The following CDH13 variants were observed in gnomAD, a reference collection of about 807,000 sequenced individuals.
CDH13 encodes the protein cadherin-13.
A neutral mutation model predicts 63.8 loss-of-function variants in CDH13; 24 were observed. That is an observed-to-expected ratio of 0.38 (90% confidence interval 0.27 to 0.53). The LOEUF (loss-of-function observed/expected upper bound fraction) is 0.53, where lower values mean the gene tolerates loss of function less well. Among genes scored for constraint, CDH13 ranks in the 20% least tolerant of loss-of-function variants. The probability of loss-of-function intolerance (pLI) is 0.85; values close to 1 mark genes in which losing one functional copy is unlikely to be tolerated. For synonymous variants in CDH13, 503 were observed against 355.3 expected (o/e 1.42, Z -4.67); for missense variants, 1,049 against 903.1 (o/e 1.16, Z -2.07).
At chr16:82,810,912 C>G (rs1198096822) in intron 1 of CDH13, among the ~76,000 whole-genome samples, 2 of 152,050 alleles carry the variant, frequency 1.3e-5, no homozygotes, top group East Asian at 3.9e-4. Context: ...ACATGGAGGT[C>G]TTTGCAATTA....
At chr16:82,991,890 T>G (rs777185432) in intron 2 of CDH13, among the ~76,000 whole-genome samples, 23 of 152,054 alleles carry the variant, frequency 1.5e-4, no homozygotes, top group Non-Finnish European at 2.8e-4. Flanking sequence ...TTATCTAGGA[T>G]GAGAGTGATA....
At chr16:83,496,637 C>A (rs943283588) in intron 7 of CDH13, among the ~76,000 whole-genome samples, 1 of 152,060 alleles carries the variant, frequency 6.6e-6, no homozygotes, top group Admixed American at 6.5e-5. Context: ...AAAGCAATGG[C>A]AACAAAAGAC....
intron 2 of CDH13, among the ~76,000 whole-genome samples, chr16:82,946,610 G>T (rs1437783854): frequency 6.6e-6 from 1 of 151,996 alleles, no homozygotes; most frequent in Non-Finnish European, 1.5e-5. Flanking sequence ...AATCCCAGCT[G>T]CTTAGGAGGC....
chr16:83,241,094 A>G (rs1904401009), intron 5 of CDH13, among the ~76,000 whole-genome samples: 1 of 152,160 alleles, frequency 6.6e-6, no homozygotes, highest in Admixed American at 6.6e-5. Context: ...TTGTCCTTCT[A>G]TGACTGGCTT....
chr16:83,569,331 T>C (rs1311072900), intron 7 of CDH13, among the ~76,000 whole-genome samples: 1 of 152,152 alleles, frequency 6.6e-6, no homozygotes, highest in Non-Finnish European at 1.5e-5. Flanking sequence ...TACATGTGGC[T>C]ACCAGTTGAT....
intron 4 of CDH13, among the ~76,000 whole-genome samples, chr16:83,162,770 G>C (rs577620519): frequency 6.6e-6 from 1 of 152,236 alleles, no homozygotes; most frequent in South Asian, 2.1e-4. Context: ...TCCAAAATCT[G>C]TATTTGTGGC....
intron 11 of CDH13, among the ~76,000 whole-genome samples, chr16:83,770,696 C>T (rs1486365303): frequency 6.6e-6 from 1 of 152,152 alleles, no homozygotes; most frequent in East Asian, 1.9e-4. Context: ...GAGTAACCTC[C>T]TGATGTTGCC....
chr16:83,699,524 T>A (rs1164848823), intron 10 of CDH13, among the ~76,000 whole-genome samples: 5 of 152,224 alleles, frequency 3.3e-5, no homozygotes, highest in Non-Finnish European at 7.3e-5. Flanking sequence ...AGCTTCCACT[T>A]CTGCAAGCTA....
rs773157567 is a variant in CDH13, at chr16:83,032,074, G to A, written c.222G>A (p.Lys74=). ...LRYEVSSPYF[K]VNSDGGLVAL... is the part of the protein sequence containing the mutation. ...ATGAGGTCTCGAGCCCATACTTCAA[G>A]GTGAACAGCGATGGCGGCTTAGTTG... is the stretch of plus-strand genomic sequence containing the variant. The change falls in exon 3 of 14, where the codon AAG becomes AAA. Residue 74 remains lysine (K), a synonymous_variant. Transcript: ENST00000567109. 3 of 1,611,752 alleles carry A rather than the reference G, an allele frequency of 1.9e-6. No individual in the cohort carries two copies. The highest frequency in any genetic ancestry group is 4.5e-5 in the East Asian group (2 of 44,732).
chr16:83,073,358 A>T (rs779754434), intron 3 of CDH13, among the ~76,000 whole-genome samples: 4,466 of 108,448 alleles, frequency 0.041, 196 homozygotes, highest in African/African-American at 0.14. Flanking sequence ...TGTGTGTGAG[A>T]GAGAGAGAGA....
chr16:83,261,498 G>T (rs1906987640), intron 5 of CDH13, among the ~76,000 whole-genome samples: 1 of 152,020 alleles, frequency 6.6e-6, no homozygotes, highest in Non-Finnish European at 1.5e-5. Flanking sequence ...AATGAGTGGG[G>T]CTAGGTGTCC....
At chr16:82,829,833 T>A (rs761044923) in intron 1 of CDH13, among the ~76,000 whole-genome samples, 6 of 152,234 alleles carry the variant, frequency 3.9e-5, no homozygotes, top group Non-Finnish European at 7.3e-5. Flanking sequence ...ATAATCTGAT[T>A]CTTAAAGATT....
intron 11 of CDH13, among the ~76,000 whole-genome samples, chr16:83,761,842 G>C (rs1035548702): frequency 6.6e-6 from 1 of 152,120 alleles, no homozygotes; most frequent in African/African-American, 2.4e-5. Flanking sequence ...TGAGGCAGGT[G>C]GGTCACTTAA....
At chr16:82,745,065 G>T (rs973777385) in intron 1 of CDH13, among the ~76,000 whole-genome samples, 7 of 152,194 alleles carry the variant, frequency 4.6e-5, no homozygotes, top group African/African-American at 1.7e-4. Context: ...TCAGCAAAAG[G>T]TTAGAGTTCA....
intron 10 of CDH13, among the ~76,000 whole-genome samples, chr16:83,690,113 T>C (rs1904702478): frequency 6.6e-6 from 1 of 152,014 alleles, no homozygotes; most frequent in Non-Finnish European, 1.5e-5. Context: ...GCGGAGATGG[T>C]GGTGAGCCAA....
At chr16:82,653,466 C>T (rs1266137679) in intron 1 of CDH13, among the ~76,000 whole-genome samples, 1 of 152,142 alleles carries the variant, frequency 6.6e-6, no homozygotes, top group Non-Finnish European at 1.5e-5. Flanking sequence ...GACTTGGGCC[C>T]TGAAGGAGCA....
At chr16:82,815,330 C>T (rs2037652056) in intron 1 of CDH13, among the ~76,000 whole-genome samples, 1 of 152,146 alleles carries the variant, frequency 6.6e-6, no homozygotes, top group South Asian at 2.1e-4. Flanking sequence ...TTGCCTCTCA[C>T]TCTCTGCCTC....
intron 1 of CDH13, among the ~76,000 whole-genome samples, chr16:82,661,948 GA>G (rs1911997874): frequency 1.3e-5 from 2 of 152,212 alleles, no homozygotes; most frequent in Non-Finnish European, 2.9e-5. Flanking sequence ...TCAAATTAAA[GA>G]AAATTGAAAA....
chr16:83,371,187 C>A lies in CDH13; in HGVS notation c.781+26181C>A, dbSNP rs529100726. 1.1e-4 allele frequency among the ~76,000 whole-genome samples: 17 copies of A among 152,318 alleles called. No homozygotes were observed. The South Asian group carries it at 3.1e-3, about 28-fold the overall frequency. ...TAGCAGTCTCATTGTTAGATATATA[C>A]CCAAATAAATATAAATCATTCTGCC... On this transcript the variant is annotated intron_variant, in intron 6 of 13. Coordinates refer to ENST00000567109, the MANE Select transcript of CDH13 (RefSeq NM_001257.5).
Sources: allele counts gnomAD v4.1 joint callset (sites outside exome capture counted in the v4.1 genomes callset), GRCh38; gene constraint gnomAD v4.1.1; transcripts MANE v1.5; gene names NCBI Gene and HGNC (gene_info 2026-07-23, HGNC 2026-07-21).